ERC2: variants seen among roughly 807,000 people sequenced by gnomAD.
The protein encoded by ERC2 is ELKS/RAB6-interacting/CAST family member 2.
Under a neutral mutation model 114.8 loss-of-function variants are expected in ERC2, and 42 were observed. The observed-to-expected ratio is 0.37, with a 90% CI of 0.29 to 0.47. ERC2 has a LOEUF of 0.47. Among genes scored for constraint, ERC2 ranks in the 20% least tolerant of loss-of-function variants. ERC2 has a pLI of 0.99. For missense variants in ERC2, 939 were observed against 1,150.7 expected, an observed-to-expected ratio of 0.82 and a Z score of 2.66; for synonymous variants, 454 against 425.5, an observed-to-expected ratio of 1.07 and a Z score of -0.82.
chr3:56,131,854 C>CA (rs952769218), intron 6 of ERC2, among the ~76,000 whole-genome samples: 6 of 152,014 alleles, frequency 3.9e-5, no homozygotes, highest in South Asian at 2.1e-4. Context: ...GTTCCCAACA[C>CA]AAAAAAATGA....
At chr3:55,618,538 A>C (rs554902749) in intron 17 of ERC2, among the ~76,000 whole-genome samples, 1 of 152,350 alleles carries the variant, frequency 6.6e-6, no homozygotes, top group East Asian at 1.9e-4. Flanking sequence ...CCATAGGTGT[A>C]TATTTATTAA....
intron 14 of ERC2, among the ~76,000 whole-genome samples, chr3:55,884,675 T>C (rs2063282477): frequency 6.6e-6 from 1 of 152,050 alleles, no homozygotes; most frequent in Admixed American, 6.5e-5. Flanking sequence ...GGAATGGTAT[T>C]CACCAGGGCC....
chr3:55,654,889 T>G (rs2060789719), intron 17 of ERC2, among the ~76,000 whole-genome samples: 1 of 152,214 alleles, frequency 6.6e-6, no homozygotes, highest in Admixed American at 6.5e-5. Context: ...ATTGACACTG[T>G]GGGTGCCCCT....
At chr3:55,831,598 A>G (rs2060589279) in intron 14 of ERC2, among the ~76,000 whole-genome samples, 1 of 152,228 alleles carries the variant, frequency 6.6e-6, no homozygotes, top group East Asian at 1.9e-4. Context: ...GTCTAAACAT[A>G]TCAATTAAAA....
At chr3:55,575,574 A>G (rs1174455125) in intron 17 of ERC2, among the ~76,000 whole-genome samples, 1 of 152,200 alleles carries the variant, frequency 6.6e-6, no homozygotes, top group Non-Finnish European at 1.5e-5. Flanking sequence ...GGATGTATGA[A>G]AAGTAAGTAG....
At chr3:55,683,050 TA>T (rs1159455947) in intron 17 of ERC2, among the ~76,000 whole-genome samples, 1 of 152,212 alleles carries the variant, frequency 6.6e-6, no homozygotes, top group East Asian at 1.9e-4. Flanking sequence ...TCTCAATAGC[TA>T]AAGATCAGCT....
At chr3:56,435,282 C>G (rs2061967101) in intron 1 of ERC2, 135 bp from the exon 2 acceptor site, 2 of 282,720 alleles carry the variant, frequency 7.1e-6, no homozygotes, top group East Asian at 1.4e-4. Flanking sequence ...ATAGAAAGAG[C>G]CACACCCATA....
chr3:56,226,787 C>T (rs369955890), intron 3 of ERC2, among the ~76,000 whole-genome samples: 1 of 152,224 alleles, frequency 6.6e-6, no homozygotes, highest in South Asian at 2.1e-4. Flanking sequence ...TCCTAACATC[C>T]TTCTTGGCAA....
intron 3 of ERC2, among the ~76,000 whole-genome samples, chr3:56,256,125 C>CT (rs1474344801): frequency 6.6e-6 from 1 of 152,202 alleles, no homozygotes; most frequent in Non-Finnish European, 1.5e-5. Flanking sequence ...ATTTTTTAAA[C>CT]TCTGTCTGAA....
rs145115058 is a variant in ERC2 at position 55,625,944 on chromosome 3, G to A, written c.*39+57850C>T. 2.4e-3 allele frequency among the ~76,000 whole-genome samples: 358 copies of A among 152,272 alleles called. 10 individuals carry two copies. Among genetic ancestry groups the A allele is most frequent in the Admixed American group, 0.022 (333 of 15,304 alleles). On this transcript the variant is annotated intron_variant, in intron 17 of 17. Transcript: ENST00000288221. ...GTATTTCTACAGGAGGTTTGTGGTG[G>A]GTTCAGAAAACATTTAAAGAAGTAC...
At chr3:56,099,929 G>C (rs543828232) in intron 6 of ERC2, among the ~76,000 whole-genome samples, 7 of 152,146 alleles carry the variant, frequency 4.6e-5, no homozygotes, top group South Asian at 2.1e-4. Context: ...TTGCTACATG[G>C]AATCCCAGCC....
At chr3:56,374,558 C>T (rs1301145335) in intron 2 of ERC2, among the ~76,000 whole-genome samples, 1 of 152,172 alleles carries the variant, frequency 6.6e-6, no homozygotes, top group Non-Finnish European at 1.5e-5. Context: ...AAGATGGGTT[C>T]CATCATTATC....
At chr3:56,129,721 A>T (rs9812767) in intron 6 of ERC2, among the ~76,000 whole-genome samples, 4 of 152,114 alleles carry the variant, frequency 2.6e-5, no homozygotes, top group Non-Finnish European at 5.9e-5. Context: ...ATAGACAATG[A>T]CTTTTTCAAA....
chr3:55,912,866 C>A (rs1004108828), intron 13 of ERC2, among the ~76,000 whole-genome samples: 1 of 152,140 alleles, frequency 6.6e-6, no homozygotes, highest in African/African-American at 2.4e-5. Flanking sequence ...CAAGCACAAA[C>A]CCAGGACCCA....
At chr3:56,071,838 A>G (rs1400580475) in intron 7 of ERC2, among the ~76,000 whole-genome samples, 1 of 152,346 alleles carries the variant, frequency 6.6e-6, no homozygotes, top group East Asian at 1.9e-4. Flanking sequence ...GGAAGCCACA[A>G]TCTCTATCCA....
intron 1 of ERC2, among the ~76,000 whole-genome samples, chr3:56,444,948 A>G (rs1448850045): frequency 6.6e-6 from 1 of 152,222 alleles, no homozygotes; most frequent in African/African-American, 2.4e-5. Context: ...ACAGATCTCA[A>G]ACAAGCAGTG....
chr3:55,846,693 T>TTTC (rs2061382989), intron 14 of ERC2, among the ~76,000 whole-genome samples: 153 of 142,902 alleles, frequency 1.1e-3, no homozygotes, highest in African/African-American at 3.6e-3. Flanking sequence ...CTCTCTCTCT[T>TTTC]TCTCTCTCTC....
At position 55,533,483 on chromosome 3, in the gene ERC2, C is replaced by G. The variant is rs180758386; in HGVS notation, c.*40-22207G>C. ...CATGTCTTTTGGCATTTAATCCACA[C>G]TACCTCCCTGTAAGGGGAGTGATCA... On this transcript the variant is annotated intron_variant, in intron 17 of 17. Transcript: ENST00000288221. Among the ~76,000 whole-genome samples, 5 of 152,368 alleles carry G rather than the reference C, an allele frequency of 3.3e-5. No homozygotes were observed. The East Asian group carries it at 9.6e-4, about 29-fold the overall frequency.
chr3:56,035,843 A>C (rs1033074468), intron 7 of ERC2, among the ~76,000 whole-genome samples: 1 of 152,202 alleles, frequency 6.6e-6, no homozygotes, highest in African/African-American at 2.4e-5. Flanking sequence ...CGAAAACAGA[A>C]TACTTCCAAT....
Sources: allele counts gnomAD v4.1 joint callset (sites outside exome capture counted in the v4.1 genomes callset), GRCh38; gene constraint gnomAD v4.1.1; transcripts MANE v1.5; gene names NCBI Gene and HGNC (gene_info 2026-07-23, HGNC 2026-07-21).